PRPSAP2: variants seen among roughly 807,000 people sequenced by gnomAD.
PRPSAP2 encodes phosphoribosyl pyrophosphate synthase-associated protein 2.
Under a neutral mutation model 40.6 loss-of-function variants are expected in PRPSAP2, and 24 were observed. The observed-to-expected ratio is 0.59, with a 90% confidence interval of 0.43 to 0.83. The LOEUF is 0.83. Ranked by LOEUF, PRPSAP2 falls within the 40% of genes least tolerant of loss-of-function variation. PRPSAP2 has a pLI of 0.00. For missense variants in PRPSAP2, 292 were observed against 465.6 expected, an observed-to-expected ratio of 0.63 and a Z score of 3.43; for synonymous variants, 149 against 164.7, an observed-to-expected ratio of 0.90 and a Z score of 0.73.
At chr17:18,878,751 T>G (rs1488354378) in intron 6 of PRPSAP2, among the ~76,000 whole-genome samples, 1 of 152,194 alleles carries the variant, frequency 6.6e-6, no homozygotes, top group East Asian at 1.9e-4. Context: ...GAGACAGGGT[T>G]TCTCCATGTT....
At chr17:18,912,491 C>G (rs143024353) in intron 9 of PRPSAP2, among the ~76,000 whole-genome samples, 14 of 152,308 alleles carry the variant, frequency 9.2e-5, no homozygotes, top group African/African-American at 3.4e-4. Flanking sequence ...AAAATACATT[C>G]ATTCTATCCT....
chr17:18,873,834 T>C (rs2038078293), intron 5 of PRPSAP2, among the ~76,000 whole-genome samples: 1 of 152,128 alleles, frequency 6.6e-6, no homozygotes, highest in Admixed American at 6.6e-5. Flanking sequence ...GTATAGAAGA[T>C]TCAATGCAGC....
chr17:18,926,073 A>G (rs34235652), intron 10 of PRPSAP2, among the ~76,000 whole-genome samples: 12,434 of 151,502 alleles, frequency 0.082, 582 homozygotes, highest in Middle Eastern at 0.14. Context: ...ACTCCAGCCC[A>G]GGCGACTGAG....
At chr17:18,926,537 G>C (rs2041986962) in intron 10 of PRPSAP2, among the ~76,000 whole-genome samples, 1 of 152,096 alleles carries the variant, frequency 6.6e-6, no homozygotes, top group African/African-American at 2.4e-5. Flanking sequence ...AAAGTGCTGG[G>C]ATTACAGGCG....
chr17:18,919,012 C>G (rs1190576648), intron 9 of PRPSAP2, among the ~76,000 whole-genome samples: 2 of 151,928 alleles, frequency 1.3e-5, no homozygotes, highest in Non-Finnish European at 2.9e-5. Context: ...CGTTATTGCT[C>G]TAGGGGTTGG....
intron 7 of PRPSAP2, among the ~76,000 whole-genome samples, chr17:18,884,760 G>A (rs777413490): frequency 6.6e-6 from 1 of 152,230 alleles, no homozygotes; most frequent in Non-Finnish European, 1.5e-5. Flanking sequence ...AGCATTGAAC[G>A]TGGTTCAGTT....
chr17:18,909,139 C>T (rs752875713), intron 8 of PRPSAP2, among the ~76,000 whole-genome samples: 1 of 152,108 alleles, frequency 6.6e-6, no homozygotes, highest in African/African-American at 2.4e-5. Context: ...CACAAATTAC[C>T]TACCGTACCA....
intron 5 of PRPSAP2, among the ~76,000 whole-genome samples, chr17:18,876,547 C>T (rs377400205): frequency 2.2e-4 from 34 of 152,156 alleles, no homozygotes; most frequent in Non-Finnish European, 4.4e-4. Flanking sequence ...GTTAGTTACA[C>T]GTATGCAGGA....
chr17:18,877,865 A>C lies in PRPSAP2; in HGVS notation c.407A>C (p.Lys136Thr). 6.3e-7 allele frequency: 1 copy of C among 1,596,570 alleles called. No individual in the cohort carries two copies. Among genetic ancestry groups the C allele is most frequent in the Non-Finnish European group, 8.5e-7 (1 of 1,173,718 alleles). ...AAATTGCTGGCTTCCATGATGTGCA[A>C]AGCTGGTAAGAATGGCAGATGTTTC... ...VSKLLASMMC[K>T]AGLTHLITMD... The change falls in exon 6 of 12, where the codon AAA (lysine) becomes ACA (threonine). Residue 136 changes from lysine (K) to threonine (T), a missense_variant. Physicochemically the swap from Lys to Thr is moderately conservative, Grantham distance 78. Coordinates refer to ENST00000268835, the MANE Select transcript of PRPSAP2 (RefSeq NM_002767.4).
chr17:18,911,011 C>G lies in PRPSAP2; in HGVS notation c.585-92C>G. The G allele has an allele frequency of 7.4e-7, 1 of 1,358,368 alleles. No individual in the cohort carries two copies. Among genetic ancestry groups the G allele is most frequent in the Non-Finnish European group, 9.8e-7 (1 of 1,023,748 alleles). 84.1% of individuals were successfully genotyped at this position (1,358,368 alleles called of 1,614,324 possible). ...CTTTAGTCCTTTGGGAGACAACATT[C>G]TACTTATGTTCTCTTAATGTTTTGT... On this transcript the variant is annotated intron_variant, in intron 8 of 11. Transcript: ENST00000268835. This position sits in a 1 kb window ranked among gnomAD's most constrained non-coding sequence, Gnocchi z 4.5.
Position 18,902,911 on chromosome 17 carries a change from C to T in PRPSAP2, c.585-8192C>T, listed in dbSNP as rs1362475421. Among the ~76,000 whole-genome samples the T allele has an allele frequency of 2.0e-5, 3 of 151,544 alleles. No homozygotes were observed. In the South Asian group the frequency reaches 6.3e-4, roughly 32 times the overall value. ...AAAAAAAAGAAATTGACTTGCCCCCCTCCACTCAGTCTTTACCGAGTACAT... is the reference window on the plus strand; with the variant it reads ...AAAAAAAAGAAATTGACTTGCCCCCTTCCACTCAGTCTTTACCGAGTACAT... On this transcript the variant is annotated intron_variant, in intron 8 of 11. Transcript: ENST00000268835.
At chr17:18,895,473 T>C (rs1449184303) in intron 8 of PRPSAP2, among the ~76,000 whole-genome samples, 3 of 152,110 alleles carry the variant, frequency 2.0e-5, no homozygotes, top group African/African-American at 4.8e-5. Flanking sequence ...TGTGAACATA[T>C]TTATGATAGC....
chr17:18,878,402 A>G (rs1487987052), intron 6 of PRPSAP2, among the ~76,000 whole-genome samples: 1 of 152,218 alleles, frequency 6.6e-6, no homozygotes, highest in Admixed American at 6.5e-5. Context: ...TATATTGGAA[A>G]AGATACATAT....
intron 6 of PRPSAP2, among the ~76,000 whole-genome samples, chr17:18,881,188 A>AT (rs371658856): frequency 3.9e-5 from 5 of 129,664 alleles, no homozygotes; most frequent in South Asian, 2.4e-4. Flanking sequence ...AAAAAAAAAA[A>AT]TTTTTTTTGA....
intron 8 of PRPSAP2, among the ~76,000 whole-genome samples, chr17:18,907,698 C>T (rs1433912583): frequency 6.6e-6 from 1 of 152,066 alleles, no homozygotes; most frequent in East Asian, 1.9e-4. Context: ...TCTCTGACCA[C>T]AGTGGAATTA....
intron 1 of PRPSAP2, among the ~76,000 whole-genome samples, chr17:18,861,725 G>A (rs956994480): frequency 1.3e-5 from 2 of 152,116 alleles, no homozygotes; most frequent in African/African-American, 4.8e-5. Context: ...AAGACTTCAG[G>A]AAATATCCTG....
chr17:18,883,114 T>A (rs2038881588), intron 7 of PRPSAP2, among the ~76,000 whole-genome samples: 1 of 152,184 alleles, frequency 6.6e-6, no homozygotes, highest in Non-Finnish European at 1.5e-5. Flanking sequence ...TTCTCTGTCC[T>A]ATCCCCCTGC....
chr17:18,883,463 C>T (rs2892016), intron 7 of PRPSAP2, among the ~76,000 whole-genome samples: 76,101 of 144,208 alleles, frequency 0.53, 20,328 homozygotes, highest in Middle Eastern at 0.61. Flanking sequence ...AGTGTAATGG[C>T]GCAATCTCAG....
At chr17:18,903,066 C>T (rs183278725) in intron 8 of PRPSAP2, among the ~76,000 whole-genome samples, 23 of 152,076 alleles carry the variant, frequency 1.5e-4, no homozygotes, top group African/African-American at 4.8e-4. Context: ...TAGATTGGAA[C>T]GAAAGACCCA....
Sources: allele counts gnomAD v4.1 joint callset (sites outside exome capture counted in the v4.1 genomes callset), GRCh38; gene constraint gnomAD v4.1.1; non-coding constraint Gnocchi (gnomAD v3.1); transcripts MANE v1.5; gene names NCBI Gene and HGNC (gene_info 2026-07-23, HGNC 2026-07-21).